The following SPPL3 variants were observed in gnomAD, a reference collection of about 807,000 sequenced individuals.
SPPL3 encodes signal peptide peptidase like 3.
In SPPL3, 5 loss-of-function variants were observed where a neutral mutation model predicts 42.4. The ratio of observed to expected loss-of-function variants is 0.12; its 90% CI spans 0.06 to 0.25. The LOEUF is 0.25. Ranked by LOEUF, SPPL3 falls within the 10% of genes least tolerant of loss-of-function variation. SPPL3 has a pLI of 1.00. For missense variants in SPPL3, 235 were observed against 489.0 expected (o/e 0.48, Z 4.90); for synonymous variants, 195 against 181.8 (o/e 1.07, Z -0.58).
At chr12:120,832,780 C>T (rs1592985602) in intron 1 of SPPL3, among the ~76,000 whole-genome samples, 1 of 152,152 alleles carries the variant, frequency 6.6e-6, no homozygotes, top group East Asian at 1.9e-4. Context: ...CAAAGCTCAC[C>T]ATACCATATA....
chr12:120,903,696 C>G, intron 1 of SPPL3, 149 bp downstream of exon 1: 2 of 686,056 alleles, frequency 2.9e-6, no homozygotes, highest in Non-Finnish European at 4.4e-6. Context: ...GCCGCCCCCT[C>G]CGGTGGGGAA....
chr12:120,771,560 T>TTC (rs1566037236), intron 6 of SPPL3, among the ~76,000 whole-genome samples: 4 of 99,462 alleles, frequency 4.0e-5, no homozygotes, highest in African/African-American at 7.9e-5. Flanking sequence ...ATTTCTTCTT[T>TTC]TTTTTAAACA....
At position 120,763,139 on chromosome 12, in the gene SPPL3, A is replaced by G. The variant is rs1228363010; in HGVS notation, c.*1860T>C. The stretch of plus-strand genomic sequence containing the variant: ...CAGATGACCAGGTCTGGGGACAGAC[A>G]GAGTCTTCCCATCAGTCTTCCAGAA... On this transcript the variant is annotated 3_prime_UTR_variant, in exon 11 of 11. Transcript: ENST00000353487. The G allele has an allele frequency of 6.6e-6, 1 of 152,276 alleles. No individual in the cohort carries two copies. Among genetic ancestry groups the G allele is most frequent in the South Asian group, 2.1e-4 (1 of 4,838 alleles). The allele number at this position is 152,276 out of a possible 1,614,324, so 9.4% of individuals were successfully genotyped here.
At chr12:120,781,981 G>T (rs1449944684) in intron 6 of SPPL3, among the ~76,000 whole-genome samples, 2 of 148,814 alleles carry the variant, frequency 1.3e-5, no homozygotes, top group Non-Finnish European at 3.0e-5. Context: ...GGGCTCAAGG[G>T]ATCCTCCCGC....
intron 1 of SPPL3, among the ~76,000 whole-genome samples, chr12:120,890,588 C>CAAAAAA (rs34253596): frequency 4.4e-5 from 4 of 91,430 alleles, no homozygotes; most frequent in South Asian, 3.5e-4. Context: ...GACTCCGTCT[C>CAAAAAA]AAAAAAAAAA....
At chr12:120,765,569 T>C (rs1275351646) in intron 10 of SPPL3, among the ~76,000 whole-genome samples, 1 of 152,180 alleles carries the variant, frequency 6.6e-6, no homozygotes, top group Non-Finnish European at 1.5e-5. Context: ...TGAGCCACCA[T>C]GCCCCTGGCC....
At chr12:120,779,329 C>G (rs537755028) in intron 6 of SPPL3, among the ~76,000 whole-genome samples, 2 of 152,324 alleles carry the variant, frequency 1.3e-5, no homozygotes, top group South Asian at 4.1e-4. Context: ...GGAAACACTG[C>G]CTGGTGGAGT....
intron 1 of SPPL3, among the ~76,000 whole-genome samples, chr12:120,859,082 A>T (rs868419184): frequency 2.3e-4 from 35 of 150,534 alleles, no homozygotes; most frequent in Middle Eastern, 6.8e-3. Context: ...GTAACTTTTA[A>T]TTTTTTTTCT....
intron 1 of SPPL3, among the ~76,000 whole-genome samples, chr12:120,871,233 C>T (rs528142937): frequency 7.5e-5 from 11 of 147,428 alleles, no homozygotes; most frequent in South Asian, 2.2e-4. Flanking sequence ...CATTTAAAAA[C>T]GATTAAAATG....
At chr12:120,871,144 A>AAAAAAAAAAAAAAAG (rs61249398) in intron 1 of SPPL3, among the ~76,000 whole-genome samples, 143 of 142,128 alleles carry the variant, frequency 1.0e-3, no homozygotes, top group African/African-American at 3.9e-3. Flanking sequence ...AAAAAAAAAA[A>AAAAAAAAAAAAAAAG]AAAAAGAAAA....
intron 1 of SPPL3, among the ~76,000 whole-genome samples, chr12:120,903,087 C>G (rs1487636306): frequency 6.6e-6 from 1 of 152,196 alleles, no homozygotes; most frequent in Non-Finnish European, 1.5e-5. Context: ...CTTGCAGGTC[C>G]TCCACCTCCA....
At chr12:120,875,256 C>G (rs1001665591) in intron 1 of SPPL3, among the ~76,000 whole-genome samples, 13 of 151,840 alleles carry the variant, frequency 8.6e-5, no homozygotes, top group African/African-American at 2.7e-4. Flanking sequence ...ATAACTAAAA[C>G]AGAAAAAAAT....
intron 1 of SPPL3, among the ~76,000 whole-genome samples, chr12:120,884,705 CAAT>C (rs1365030354): frequency 6.6e-6 from 1 of 151,036 alleles, no homozygotes; most frequent in East Asian, 1.9e-4. Flanking sequence ...ATATTTTCAC[CAAT>C]AAAATATGGT....
At chr12:120,802,392 CAT>C (rs1234295710) in intron 2 of SPPL3, among the ~76,000 whole-genome samples, 10 of 119,856 alleles carry the variant, frequency 8.3e-5, no homozygotes, top group South Asian at 7.4e-4. Context: ...TATATATACA[CAT>C]ATATGTGTGT....
chr12:120,903,163 G>A (rs1455332662), intron 1 of SPPL3, among the ~76,000 whole-genome samples: 1 of 152,108 alleles, frequency 6.6e-6, no homozygotes, highest in African/African-American at 2.4e-5. Context: ...CTCTGCCCAT[G>A]CCCCACTGTC....
At chr12:120,856,621 G>C (rs542965800) in intron 1 of SPPL3, among the ~76,000 whole-genome samples, 5 of 149,658 alleles carry the variant, frequency 3.3e-5, no homozygotes, top group Admixed American at 2.0e-4. Context: ...GGCATAGTTG[G>C]TTTGAATCCT....
At chr12:120,849,221 C>T (rs1872146082) in intron 1 of SPPL3, among the ~76,000 whole-genome samples, 2 of 151,990 alleles carry the variant, frequency 1.3e-5, no homozygotes, top group Non-Finnish European at 2.9e-5. Flanking sequence ...AAAAGTAAAA[C>T]TAAACCTAAA....
At chr12:120,780,464 A>G (rs372345081) in intron 6 of SPPL3, among the ~76,000 whole-genome samples, 8 of 151,448 alleles carry the variant, frequency 5.3e-5, no homozygotes, top group Non-Finnish European at 8.8e-5. Flanking sequence ...AAACAAAAAA[A>G]GCTGGGGGAG....
chr12:120,888,781 G>C (rs1023896744), intron 1 of SPPL3, among the ~76,000 whole-genome samples: 2 of 152,126 alleles, frequency 1.3e-5, no homozygotes, highest in African/African-American at 4.8e-5. Context: ...CACTTTAAAT[G>C]ACTGAATTGT....
Sources: allele counts gnomAD v4.1 joint callset (sites outside exome capture counted in the v4.1 genomes callset), GRCh38; gene constraint gnomAD v4.1.1; transcripts MANE v1.5; gene names NCBI Gene and HGNC (gene_info 2026-07-23, HGNC 2026-07-21).